RORA: variants seen among roughly 807,000 people sequenced by gnomAD.
RORA encodes RAR related orphan receptor A, also known as nuclear receptor ROR-alpha.
Under a neutral mutation model 69.5 loss-of-function variants are expected in RORA, and 7 were observed. The observed-to-expected ratio is 0.10, with a 90% confidence interval of 0.06 to 0.19. RORA has a LOEUF of 0.19. Among genes scored for constraint, RORA ranks in the 10% least tolerant of loss-of-function variants. The pLI, the probability that RORA is intolerant of heterozygous loss-of-function variation, is 1.00. For synonymous variants in RORA, 261 were observed against 240.8 expected, an observed-to-expected ratio of 1.08 and a Z score of -0.78; for missense variants, 457 against 663.0, an observed-to-expected ratio of 0.69 and a Z score of 3.41.
In RORA at chr15:60,747,342, C is replaced by T. The variant is rs137974562; in HGVS notation, c.167-68656G>A. Among the ~76,000 whole-genome samples, 201 of 152,298 alleles carry T rather than the reference C, an allele frequency of 1.3e-3. 1 individual carries two copies. Among genetic ancestry groups the T allele is most frequent in the African/African-American group, 4.7e-3 (195 of 41,562 alleles). ...CACCAGCTTCAAGGGAGTATGAGAA[C>T]ACTGCCTGAGAGATGGGAGTGTACA... is the stretch of plus-strand genomic sequence containing the variant. On this transcript the variant is annotated intron_variant, in intron 1 of 10. Transcript: ENST00000335670.
chr15:60,763,677 C>T (rs1289772074), intron 1 of RORA, among the ~76,000 whole-genome samples: 6 of 152,122 alleles, frequency 3.9e-5, no homozygotes, highest in Non-Finnish European at 8.8e-5. Flanking sequence ...GGGGGTAGCT[C>T]CCCAATTCTC....
chr15:61,228,928 G>C (rs1456616239), intron 1 of RORA, 125 bp downstream of exon 1: 1 of 235,698 alleles, frequency 4.2e-6, no homozygotes, highest in Non-Finnish European at 6.8e-6. Context: ...CTCCGGGCTC[G>C]GGGCGCCGCC....
At chr15:60,974,250 C>T (rs1369373140) in intron 1 of RORA, among the ~76,000 whole-genome samples, 1 of 152,130 alleles carries the variant, frequency 6.6e-6, no homozygotes, top group Non-Finnish European at 1.5e-5. Flanking sequence ...TAGGTTATTT[C>T]CTGTTTTTCC....
At chr15:60,525,985 G>A (rs920481994) in intron 3 of RORA, among the ~76,000 whole-genome samples, 8 of 151,962 alleles carry the variant, frequency 5.3e-5, no homozygotes, top group African/African-American at 1.9e-4. Flanking sequence ...GGGCATGCAT[G>A]GATTAAAATC....
chr15:60,807,729 C>T (rs1409955959), intron 1 of RORA, among the ~76,000 whole-genome samples: 12 of 152,086 alleles, frequency 7.9e-5, no homozygotes. Context: ...AAAATAGGCA[C>T]ATAGACCAAT....
intron 1 of RORA, among the ~76,000 whole-genome samples, chr15:60,995,188 G>A (rs910856334): frequency 3.6e-4 from 55 of 151,880 alleles, no homozygotes; most frequent in African/African-American, 1.2e-3. Flanking sequence ...TTTTTTTTCT[G>A]GTTCTCTTCT....
intron 1 of RORA, among the ~76,000 whole-genome samples, chr15:60,896,654 A>G (rs985676734): frequency 6.6e-6 from 1 of 152,196 alleles, no homozygotes; most frequent in Non-Finnish European, 1.5e-5. Flanking sequence ...CAAGTCCAGA[A>G]ATACCCTTTT....
At chr15:61,060,501 G>A (rs1037411040) in intron 1 of RORA, among the ~76,000 whole-genome samples, 4 of 152,150 alleles carry the variant, frequency 2.6e-5, no homozygotes, top group African/African-American at 9.7e-5. Flanking sequence ...GGGTGACCGT[G>A]AGGTTCACAG....
chr15:61,062,905 CTT>C (rs1217351728), intron 1 of RORA, among the ~76,000 whole-genome samples: 1 of 152,126 alleles, frequency 6.6e-6, no homozygotes, highest in East Asian at 1.9e-4. Context: ...CACATGAACT[CTT>C]GTTTTCTATA....
intron 1 of RORA, among the ~76,000 whole-genome samples, chr15:60,725,411 T>C (rs1595662463): frequency 6.6e-6 from 1 of 152,234 alleles, no homozygotes; most frequent in Non-Finnish European, 1.5e-5. Flanking sequence ...CTATCGCCCA[T>C]GGAAAAATTT....
intron 1 of RORA, among the ~76,000 whole-genome samples, chr15:61,051,665 A>C (rs1380841918): frequency 6.6e-6 from 1 of 152,194 alleles, no homozygotes; most frequent in Non-Finnish European, 1.5e-5. Context: ...GCTTGCCTGT[A>C]CTGTCTGCAT....
intron 2 of RORA, among the ~76,000 whole-genome samples, chr15:60,614,534 C>T (rs1024583629): frequency 1.3e-5 from 2 of 152,028 alleles, no homozygotes; most frequent in African/African-American, 4.8e-5. Flanking sequence ...TGAGAAAGTC[C>T]CAAGAAAAGC....
At chr15:61,168,203 C>T (rs545817538) in intron 1 of RORA, among the ~76,000 whole-genome samples, 15 of 151,266 alleles carry the variant, frequency 9.9e-5, no homozygotes, top group South Asian at 4.1e-4. Flanking sequence ...TATATACACG[C>T]GCGTGCGTGC....
chr15:60,948,436 C>A (rs755967973), intron 1 of RORA, among the ~76,000 whole-genome samples: 1 of 152,196 alleles, frequency 6.6e-6, no homozygotes, highest in Non-Finnish European at 1.5e-5. Flanking sequence ...AAAATACTCT[C>A]CATGGTTCAT....
chr15:60,941,622 G>C (rs935549027), intron 1 of RORA, among the ~76,000 whole-genome samples: 10 of 152,344 alleles, frequency 6.6e-5, no homozygotes, highest in Middle Eastern at 3.4e-3. Context: ...AAGATCTCCA[G>C]TGTACTTTAT....
chr15:61,101,427 G>T lies in RORA; in HGVS notation c.166+127626C>A, dbSNP rs942048349. Among the ~76,000 whole-genome samples the T allele has an allele frequency of 1.1e-4, 17 of 152,036 alleles. 1 individual carries two copies. Among genetic ancestry groups the T allele is most frequent in the Admixed American group, 1.1e-3 (17 of 15,276 alleles). Reference sequence around the variant, plus strand: ...GAGAGAATAAGATAAAAATTTCGAGGCACTGGGAACAAGATGTGCAAGGGC... The same window carrying T: ...GAGAGAATAAGATAAAAATTTCGAGTCACTGGGAACAAGATGTGCAAGGGC... On this transcript the variant is annotated intron_variant, in intron 1 of 10. Coordinates refer to ENST00000335670, the MANE Select transcript of RORA (RefSeq NM_134261.3).
Position 61,059,952 on chromosome 15 carries a change from A to AAGAG in RORA, c.166+169100_166+169101insCTCT, listed in dbSNP as rs2078151596. On this transcript the variant is annotated intron_variant, in intron 1 of 10. Transcript: ENST00000335670. The stretch of plus-strand genomic sequence containing the variant: ...AAGAAGAACAAGAAGAAGAAGAAGA[A>AAGAG]GAAGAAGAAGAGGAAGAGGAAGAGG... Among the ~76,000 whole-genome samples, 59 of 122,390 alleles carry AAGAG rather than the reference A, an allele frequency of 4.8e-4. 1 individual carries two copies. Among genetic ancestry groups the AAGAG allele is most frequent in the East Asian group, 1.8e-3 (8 of 4,370 alleles). The allele number at this position is 122,390 out of a possible 152,430, so 80.3% of individuals were successfully genotyped here. A position where few individuals can be genotyped will look rare whatever the true frequency, so the allele number is the denominator to read the frequency against.
chr15:60,491,726 C>T lies in RORA; in HGVS notation c.*5729G>A, dbSNP rs2065044227. The T allele has an allele frequency of 6.6e-6, 1 of 151,844 alleles. No homozygotes were observed. Among genetic ancestry groups the T allele is most frequent in the South Asian group, 2.1e-4 (1 of 4,812 alleles). 9.4% of individuals were successfully genotyped at this position (151,844 alleles called of 1,614,324 possible). A position where few individuals can be genotyped will look rare whatever the true frequency, so the allele number is the denominator to read the frequency against. ...GATCTCACCTACACAAACAGACAGA[C>T]AGACCCAGAAGTGAAACCAATTGCA... On this transcript the variant is annotated 3_prime_UTR_variant, in exon 11 of 11. Transcript: ENST00000335670.
chr15:61,030,768 T>A (rs1896123902), intron 1 of RORA, among the ~76,000 whole-genome samples: 1 of 152,158 alleles, frequency 6.6e-6, no homozygotes, highest in African/African-American at 2.4e-5. Context: ...TGCGTGTATA[T>A]CCAACTTACT....
Sources: gnomAD v4.1 joint callset for allele counts (sites outside exome capture counted in the v4.1 genomes callset) on GRCh38, gnomAD v4.1.1 for gene constraint, MANE v1.5 for transcripts, NCBI Gene and HGNC (gene_info 2026-07-23, HGNC 2026-07-21) for gene names.